NRXN3: variants seen among roughly 807,000 people sequenced by gnomAD.
NRXN3 encodes the protein neurexin III.
Under a neutral mutation model 137.6 loss-of-function variants are expected in NRXN3, and 32 were observed. That is an observed-to-expected ratio of 0.23 (90% CI 0.18 to 0.31). NRXN3 has a LOEUF of 0.31. Ranked by LOEUF, NRXN3 falls within the 10% of genes least tolerant of loss-of-function variation. NRXN3 has a pLI of 1.00. For synonymous variants in NRXN3, 798 were observed against 784.5 expected (o/e 1.02, Z -0.29); for missense variants, 1,574 against 2,062.5 (o/e 0.76, Z 4.59).
At chr14:78,184,345 A>C (rs2060053114) in intron 1 of NRXN3, among the ~76,000 whole-genome samples, 2 of 152,202 alleles carry the variant, frequency 1.3e-5, no homozygotes, top group Admixed American at 6.5e-5. Flanking sequence ...ACACTTTTCC[A>C]CAACAGCCAC....
chr14:79,343,333 A>G (rs559350643), intron 15 of NRXN3, among the ~76,000 whole-genome samples: 4 of 152,272 alleles, frequency 2.6e-5, no homozygotes, highest in African/African-American at 9.6e-5. Context: ...AGTATAAACT[A>G]AGTTTCTCCC....
chr14:79,694,099 C>A (rs1007587642), intron 18 of NRXN3, among the ~76,000 whole-genome samples: 2 of 151,850 alleles, frequency 1.3e-5, no homozygotes, highest in Non-Finnish European at 2.9e-5. Context: ...ATTTGGAATG[C>A]CTCTTTGGAG....
chr14:79,321,870 A>C (rs1302775905), intron 15 of NRXN3, among the ~76,000 whole-genome samples: 1 of 149,062 alleles, frequency 6.7e-6, no homozygotes, highest in Non-Finnish European at 1.5e-5. Flanking sequence ...ACTATATATA[A>C]ATATAACTAT....
chr14:78,853,662 C>G (rs2099049100), intron 10 of NRXN3, among the ~76,000 whole-genome samples: 1 of 152,098 alleles, frequency 6.6e-6, no homozygotes, highest in African/African-American at 2.4e-5. Flanking sequence ...TAAGGACTGA[C>G]TCACTTTCTA....
At chr14:79,091,703 G>C (rs918761352) in intron 15 of NRXN3, among the ~76,000 whole-genome samples, 1 of 152,092 alleles carries the variant, frequency 6.6e-6, no homozygotes, top group Non-Finnish European at 1.5e-5. Context: ...TGATCATAAA[G>C]ACCTAGTTAG....
chr14:79,817,328 C>T (rs2099254802), intron 20 of NRXN3, among the ~76,000 whole-genome samples: 3 of 152,176 alleles, frequency 2.0e-5, no homozygotes, highest in Admixed American at 2.0e-4. Flanking sequence ...TCTGGGATTA[C>T]AGGTATGAGC....
chr14:79,466,305 A>G (rs1252083330), intron 15 of NRXN3, among the ~76,000 whole-genome samples: 2 of 152,194 alleles, frequency 1.3e-5, no homozygotes, highest in Non-Finnish European at 2.9e-5. Flanking sequence ...GGACTCCTGG[A>G]GGCCAGGTAC....
chr14:78,682,285 G>A (rs1050896589), intron 6 of NRXN3, among the ~76,000 whole-genome samples: 1 of 151,906 alleles, frequency 6.6e-6, no homozygotes, highest in Non-Finnish European at 1.5e-5. Flanking sequence ...TCCATTCACT[G>A]TTCTGTTTAG....
chr14:79,500,610 C>T (rs2096816329), intron 16 of NRXN3, among the ~76,000 whole-genome samples: 1 of 152,310 alleles, frequency 6.6e-6, no homozygotes, highest in South Asian at 2.1e-4. Flanking sequence ...CAGTACCTCC[C>T]ACTTTCGTTT....
At chr14:78,447,098 G>C (rs867061328) in intron 4 of NRXN3, among the ~76,000 whole-genome samples, 2 of 152,188 alleles carry the variant, frequency 1.3e-5, no homozygotes, top group African/African-American at 4.8e-5. Context: ...TGAAAAGAAG[G>C]CTGGTTTGGG....
Position 78,573,021 on chromosome 14 carries a change from G to A in NRXN3, c.758-72099G>A, listed in dbSNP as rs142333453. On this transcript the variant is annotated intron_variant, in intron 4 of 20. Coordinates refer to ENST00000335750, the MANE Select transcript of NRXN3 (RefSeq NM_001330195.2). ...GATTGGTTTCTGCCATTCTGTTCTCGTGATAGTGAGTGAGTTCTCACAAGA... is the reference window on the plus strand; with the variant it reads ...GATTGGTTTCTGCCATTCTGTTCTCATGATAGTGAGTGAGTTCTCACAAGA... Among the ~76,000 whole-genome samples the A allele has an allele frequency of 4.3e-4, 66 of 152,262 alleles. 1 individual carries two copies. The highest frequency in any genetic ancestry group is 4.2e-3 in the East Asian group (22 of 5,178).
chr14:79,190,927 A>C (rs1204557892), intron 15 of NRXN3, among the ~76,000 whole-genome samples: 1 of 152,210 alleles, frequency 6.6e-6, no homozygotes, highest in Admixed American at 6.5e-5. Flanking sequence ...AATCTAAAGC[A>C]TAATAGCCAA....
intron 20 of NRXN3, among the ~76,000 whole-genome samples, chr14:79,808,093 C>G (rs1227603743): frequency 6.6e-6 from 1 of 151,816 alleles, no homozygotes; most frequent in South Asian, 2.1e-4. Flanking sequence ...AAAAAATTAG[C>G]CAGGCGTGGT....
At chr14:79,672,545 A>C (rs1159751551) in intron 17 of NRXN3, among the ~76,000 whole-genome samples, 2 of 152,088 alleles carry the variant, frequency 1.3e-5, no homozygotes, top group Non-Finnish European at 2.9e-5. Flanking sequence ...AGGCATCAGT[A>C]ATAACATACA....
At chr14:79,147,862 A>G (rs536626469) in intron 15 of NRXN3, among the ~76,000 whole-genome samples, 1 of 152,208 alleles carries the variant, frequency 6.6e-6, no homozygotes, top group Admixed American at 6.5e-5. Flanking sequence ...CCAAGGTGAC[A>G]GCTCTCTATG....
intron 10 of NRXN3, among the ~76,000 whole-genome samples, chr14:78,852,938 G>A (rs2099046717): frequency 6.6e-6 from 1 of 151,340 alleles, no homozygotes; most frequent in Non-Finnish European, 1.5e-5. Context: ...AACATGTGAA[G>A]TTTGTCTTTC....
chr14:78,696,878 C>T (rs1236164730), intron 6 of NRXN3, among the ~76,000 whole-genome samples: 2 of 152,074 alleles, frequency 1.3e-5, no homozygotes, highest in African/African-American at 2.4e-5. Flanking sequence ...TCTACTACTG[C>T]CATCACCACC....
Position 79,223,321 on chromosome 14 carries a change from A to C in NRXN3, c.3262+235180A>C, listed in dbSNP as rs552801517. On this transcript the variant is annotated intron_variant, in intron 15 of 20. Transcript: ENST00000335750. The stretch of plus-strand genomic sequence containing the variant: ...TTCATTACTCTGCTGAATTTATCTT[A>C]TGGATTTTCCCCTCCACATTAATGT... Among the ~76,000 whole-genome samples the C allele has an allele frequency of 2.6e-5, 4 of 152,196 alleles. No individual in the cohort carries two copies. The East Asian group carries it at 7.7e-4, about 29-fold the overall frequency.
intron 15 of NRXN3, among the ~76,000 whole-genome samples, chr14:79,405,091 G>A (rs1459516793): frequency 6.6e-6 from 1 of 152,120 alleles, no homozygotes; most frequent in East Asian, 1.9e-4. Flanking sequence ...GCAACAAAAG[G>A]CCTGAAATAT....
Sources: gnomAD v4.1 joint callset for allele counts (sites outside exome capture counted in the v4.1 genomes callset) on GRCh38, gnomAD v4.1.1 for gene constraint, MANE v1.5 for transcripts, NCBI Gene and HGNC (gene_info 2026-07-23, HGNC 2026-07-21) for gene names.